The following ZFPM2 variants were observed in gnomAD, a reference collection of about 807,000 sequenced individuals.
ZFPM2 encodes zinc finger protein ZFPM2.
ZFPM2 carries 20 observed loss-of-function variants against 98.6 expected under a neutral mutation model. The ratio of observed to expected loss-of-function variants is 0.20; its 90% CI spans 0.14 to 0.29. The LOEUF (loss-of-function observed/expected upper bound fraction) is 0.29, where lower values mean the gene tolerates loss of function less well. ZFPM2 is among the 10% of genes least tolerant of loss of function. The probability of loss-of-function intolerance (pLI) is 1.00; values close to 1 mark genes in which losing one functional copy is unlikely to be tolerated. For synonymous variants in ZFPM2, 518 were observed against 502.7 expected (o/e 1.03, Z -0.41); for missense variants, 1,310 against 1,388.6 (o/e 0.94, Z 0.90).
chr8:105,632,421 C>A (rs947360992), intron 4 of ZFPM2, among the ~76,000 whole-genome samples: 11 of 152,108 alleles, frequency 7.2e-5, no homozygotes, highest in Non-Finnish European at 4.4e-5. Flanking sequence ...TCATCCACTT[C>A]GGCCTCCCAA....
At chr8:105,584,282 T>A (rs943253363) in intron 4 of ZFPM2, among the ~76,000 whole-genome samples, 2 of 152,146 alleles carry the variant, frequency 1.3e-5, no homozygotes, top group Non-Finnish European at 1.5e-5. Flanking sequence ...ACTTTTATTT[T>A]ATTTTTTTTC....
intron 5 of ZFPM2, among the ~76,000 whole-genome samples, chr8:105,730,648 T>C (rs1189403916): frequency 1.3e-5 from 2 of 151,740 alleles, no homozygotes; most frequent in Admixed American, 1.3e-4. Context: ...TGGACATTAT[T>C]TTAATGGCTT....
chr8:105,793,385 CT>C (rs925053287), intron 6 of ZFPM2, among the ~76,000 whole-genome samples: 1 of 152,142 alleles, frequency 6.6e-6, no homozygotes, highest in Non-Finnish European at 1.5e-5. Flanking sequence ...GTTGAAAATT[CT>C]TTTCTTTAAG....
At chr8:105,322,459 T>G (rs997710941) in intron 1 of ZFPM2, among the ~76,000 whole-genome samples, 1 of 151,790 alleles carries the variant, frequency 6.6e-6, no homozygotes. Flanking sequence ...CACTTTTTTT[T>G]TTTTTTTTTG....
intron 3 of ZFPM2, among the ~76,000 whole-genome samples, chr8:105,458,437 T>G (rs2130289495): frequency 6.6e-6 from 1 of 152,252 alleles, no homozygotes; most frequent in African/African-American, 2.4e-5. Flanking sequence ...AAAAAAAATT[T>G]GTTTTCCCCC....
Position 105,364,793 on chromosome 8 carries a change from C to G in ZFPM2, c.40+45812C>G, listed in dbSNP as rs1552108. 2.0e-5 allele frequency among the ~76,000 whole-genome samples: 3 copies of G among 151,984 alleles called. No homozygotes were observed. The South Asian group carries it at 6.2e-4, about 32-fold the overall frequency. On this transcript the variant is annotated intron_variant, in intron 1 of 7. Coordinates refer to ENST00000407775, the MANE Select transcript of ZFPM2 (RefSeq NM_012082.4). Reference sequence around the variant, plus strand: ...AGAAAATCTTTTATGTTCACTTAGACAGCAACCAGCTCGAACGGACAATCC... The same window carrying G: ...AGAAAATCTTTTATGTTCACTTAGAGAGCAACCAGCTCGAACGGACAATCC...
chr8:105,447,391 A>G (rs80129402), intron 3 of ZFPM2, among the ~76,000 whole-genome samples: 2,230 of 151,746 alleles, frequency 0.015, 61 homozygotes, highest in African/African-American at 0.051. Context: ...AATATTAACA[A>G]CTCTTAGAGA....
intron 1 of ZFPM2, among the ~76,000 whole-genome samples, chr8:105,369,895 A>G (rs1045646996): frequency 6.6e-6 from 1 of 152,212 alleles, no homozygotes; most frequent in African/African-American, 2.4e-5. Context: ...TACACATACA[A>G]ATAATAAATA....
At chr8:105,645,748 A>T (rs945990322) in intron 5 of ZFPM2, among the ~76,000 whole-genome samples, 1 of 152,140 alleles carries the variant, frequency 6.6e-6, no homozygotes, top group African/African-American at 2.4e-5. Flanking sequence ...AAGCTATAGG[A>T]GGAATATTTA....
intron 1 of ZFPM2, among the ~76,000 whole-genome samples, chr8:105,413,654 T>C (rs773367354): frequency 9.9e-5 from 15 of 151,574 alleles, no homozygotes; most frequent in Non-Finnish European, 1.6e-4. Context: ...TTGGACCTTT[T>C]GAAAAAGAGT....
chr8:105,342,281 A>G (rs1167345701), intron 1 of ZFPM2, among the ~76,000 whole-genome samples: 1 of 152,038 alleles, frequency 6.6e-6, no homozygotes. Context: ...GCTGTGCTGA[A>G]TCATTCATTC....
chr8:105,740,839 T>A (rs984154456), intron 5 of ZFPM2, among the ~76,000 whole-genome samples: 3 of 152,020 alleles, frequency 2.0e-5, no homozygotes, highest in Admixed American at 1.3e-4. Flanking sequence ...TGATAAAATA[T>A]GTTGTGGACA....
intron 3 of ZFPM2, among the ~76,000 whole-genome samples, chr8:105,488,003 G>A (rs1483815947): frequency 6.6e-6 from 1 of 151,322 alleles, no homozygotes; most frequent in Non-Finnish European, 1.5e-5. Context: ...AAAATTGAGA[G>A]CGAAGGTGCA....
intron 3 of ZFPM2, among the ~76,000 whole-genome samples, chr8:105,471,930 A>G (rs1417552648): frequency 1.3e-5 from 2 of 152,126 alleles, no homozygotes; most frequent in Non-Finnish European, 2.9e-5. Flanking sequence ...AATCATTTGG[A>G]TTATTACCCA....
At chr8:105,469,469 G>T (rs758902695) in intron 3 of ZFPM2, among the ~76,000 whole-genome samples, 1 of 151,666 alleles carries the variant, frequency 6.6e-6, no homozygotes, top group Non-Finnish European at 1.5e-5. Flanking sequence ...TTCTCTACCT[G>T]CCCATTGCTC....
chr8:105,712,209 A>G (rs962363343), intron 5 of ZFPM2, among the ~76,000 whole-genome samples: 4 of 136,296 alleles, frequency 2.9e-5, no homozygotes, highest in African/African-American at 1.1e-4. Flanking sequence ...AAGAAAGAAC[A>G]TTATGCTACT....
At chr8:105,393,337 C>CCTGCCTTT (rs1563637854) in intron 1 of ZFPM2, among the ~76,000 whole-genome samples, 1 of 114,776 alleles carries the variant, frequency 8.7e-6, no homozygotes, top group East Asian at 2.7e-4. Flanking sequence ...TCTCTCTTTG[C>CCTGCCTTT]CTTTCTTTCT....
At chr8:105,418,597 G>T (rs1811729206) in intron 1 of ZFPM2, 1 of 518,504 alleles carries the variant, frequency 1.9e-6, no homozygotes, top group Non-Finnish European at 3.8e-6. Context: ...TTTCATCAGG[G>T]AGAGAAATAT....
At chr8:105,750,823 G>T (rs1196183682) in intron 5 of ZFPM2, among the ~76,000 whole-genome samples, 1 of 152,022 alleles carries the variant, frequency 6.6e-6, no homozygotes, top group Non-Finnish European at 1.5e-5. Context: ...AAATGTAAAT[G>T]TAAGAAATCC....
Sources: gnomAD v4.1 joint callset for allele counts (sites outside exome capture counted in the v4.1 genomes callset) on GRCh38, gnomAD v4.1.1 for gene constraint, MANE v1.5 for transcripts, NCBI Gene and HGNC (gene_info 2026-07-23, HGNC 2026-07-21) for gene names.